Variants in GCN1 observed in about 807,000 individuals in gnomAD.
GCN1 encodes stalled ribosome sensor GCN1.
GCN1 carries 90 observed loss-of-function variants against 288.4 expected under a neutral mutation model. The observed-to-expected ratio is 0.31, with a 90% confidence interval of 0.26 to 0.37. The LOEUF is 0.37. GCN1 is among the 10% of genes least tolerant of loss of function. The pLI is 1.00. For synonymous variants in GCN1, 1,386 were observed against 1,420.2 expected, an observed-to-expected ratio of 0.98 and a Z score of 0.54; for missense variants, 2,586 against 3,419.9, an observed-to-expected ratio of 0.76 and a Z score of 6.08.
Position 120,137,958 on chromosome 12 carries a change from G to A in GCN1, c.6336C>T (p.Ile2112=). 1 of 1,614,174 alleles carries A rather than the reference G, an allele frequency of 6.2e-7. No individual in the cohort carries two copies. Residue 2112 remains isoleucine, a synonymous_variant, in exon 48 of 58, where the codon ATC becomes ATT. Transcript: ENST00000300648. This position sits in a 1 kb window ranked among gnomAD's most constrained non-coding sequence, Gnocchi z 5.2. ...GDALTRHLGV[I]LPAVMLALKE... is the part of the protein sequence containing the mutation. ...TCAGGGCCAGCATGACCGCTGGGAG[G>A]ATCACGCCAAGATGACGGGTGAGGG...
rs532062050 is a variant in GCN1, at chr12:120,181,611, G to A, written c.426+1958C>T. Among the ~76,000 whole-genome samples, 54 of 150,104 alleles carry A rather than the reference G, an allele frequency of 3.6e-4. 1 individual carries two copies. In the South Asian group the frequency reaches 6.9e-3, roughly 19 times the overall value. ...TCCCAGCACTTTGGGAGGCCGAGGC[G>A]GGCGGATCACCTGAGGTCAGGAGTT... is the stretch of plus-strand genomic sequence containing the variant. On this transcript the variant is annotated intron_variant, in intron 5 of 57. Coordinates refer to ENST00000300648, the MANE Select transcript of GCN1 (RefSeq NM_006836.2).
intron 5 of GCN1, among the ~76,000 whole-genome samples, chr12:120,181,125 TA>T (rs891101678): frequency 4.6e-5 from 7 of 151,534 alleles, no homozygotes; most frequent in Non-Finnish European, 7.4e-5. Context: ...TTAGTAACAA[TA>T]AAAAACCGTA....
intron 21 of GCN1, 99 bp from the exon 22 acceptor site, chr12:120,161,682 T>C: frequency 2.0e-6 from 2 of 988,102 alleles, no homozygotes; most frequent in Non-Finnish European, 3.2e-6. Flanking sequence ...TTAAGCACTG[T>C]GCACCAGCAC....
At chr12:120,147,499 G>A (rs754234927) in intron 37 of GCN1, among the ~76,000 whole-genome samples, 67 of 152,176 alleles carry the variant, frequency 4.4e-4, no homozygotes, top group Non-Finnish European at 7.1e-4. Context: ...CTCCCAAAGC[G>A]CTGGATTACA....
intron 5 of GCN1, among the ~76,000 whole-genome samples, chr12:120,179,250 A>G (rs1052299212): frequency 6.7e-6 from 1 of 149,382 alleles, no homozygotes; most frequent in African/African-American, 2.5e-5. Context: ...TTTTTTTTTT[A>G]AGACGGAGTC....
chr12:120,129,224 C>G lies in GCN1; in HGVS notation c.7890+52G>C, dbSNP rs1286930009. ...TAAATATTTCCATGCTGAAGAAGAG[C>G]TGAAAGACAAATGCTCACAGCACAT... On this transcript the variant is annotated intron_variant, in intron 57 of 57. Coordinates refer to ENST00000300648, the MANE Select transcript of GCN1 (RefSeq NM_006836.2). 1.2e-5 allele frequency: 15 copies of G among 1,292,560 alleles called. No homozygotes were observed. In the Admixed American group the frequency reaches 1.7e-4, roughly 15 times the overall value. The allele number at this position is 1,292,560 out of a possible 1,614,324, so 80.1% of individuals were successfully genotyped here.
intron 9 of GCN1, among the ~76,000 whole-genome samples, chr12:120,176,572 G>A (rs1878488038): frequency 6.6e-6 from 1 of 152,082 alleles, no homozygotes; most frequent in Non-Finnish European, 1.5e-5. Context: ...GAGGTGGAGG[G>A]GTAAGAGGAT....
intron 46 of GCN1, 38 bp from the exon 47 acceptor site, chr12:120,138,453 A>G: frequency 2.3e-6 from 3 of 1,308,380 alleles, no homozygotes; most frequent in Non-Finnish European, 3.3e-6. Flanking sequence ...AGGAATCTGC[A>G]TCTCTGCTGT....
chr12:120,189,906 C>T (rs1027500650), intron 2 of GCN1, among the ~76,000 whole-genome samples: 7 of 151,858 alleles, frequency 4.6e-5, no homozygotes, highest in Admixed American at 2.6e-4. Flanking sequence ...CTGAACCCAG[C>T]GAGGCAGAGG....
At chr12:120,157,134 T>C (rs1877775234) in intron 26 of GCN1, 142 bp from the exon 27 acceptor site, 1 of 610,884 alleles carries the variant, frequency 1.6e-6, no homozygotes, top group African/African-American at 1.8e-5. Flanking sequence ...TCATTAAGTT[T>C]ACAACTAGGT....
intron 56 of GCN1, 137 bp from the exon 57 acceptor site, chr12:120,129,631 G>T: frequency 1.5e-6 from 1 of 675,590 alleles, no homozygotes; most frequent in Non-Finnish European, 2.6e-6. Context: ...GTCCCAGCAT[G>T]ACTCGACCCT....
intron 22 of GCN1, among the ~76,000 whole-genome samples, chr12:120,161,264 C>T (rs1877916381): frequency 6.6e-6 from 1 of 152,124 alleles, no homozygotes; most frequent in Admixed American, 6.5e-5. Context: ...GTCGCCAGCA[C>T]CCAGCAGAGA....
At position 120,131,280 on chromosome 12, in the gene GCN1, A is replaced by C; in HGVS notation, c.7468T>G (p.Ser2490Ala). 1 of 1,614,100 alleles carries C rather than the reference A, an allele frequency of 6.2e-7. No homozygotes were observed. Among genetic ancestry groups the C allele is most frequent in the Non-Finnish European group, 8.5e-7 (1 of 1,180,026 alleles). Residue 2490 changes from serine to alanine, a missense_variant, in exon 55 of 58, where the codon TCC becomes GCC. Ser to Ala is a moderately conservative substitution (Grantham distance 99). This residue lies in a region of GCN1 where 355 missense variants were observed against 431.1 expected (regional missense o/e 0.82). Transcript: ENST00000300648. ...MVRHGRSLAL[S>A]VAVNVAPGRL... The stretch of plus-strand genomic sequence containing the variant: ...CCAGGAGCCACATTCACAGCCACGG[A>C]AAGTGCCAGGCTCCGCCCGTGCCGA...
intron 16 of GCN1, among the ~76,000 whole-genome samples, chr12:120,165,199 A>G (rs948012597): frequency 1.3e-5 from 2 of 151,686 alleles, no homozygotes; most frequent in Non-Finnish European, 2.9e-5. Flanking sequence ...GGCACCCGCT[A>G]ATTTTTTTAT....
intron 53 of GCN1, among the ~76,000 whole-genome samples, chr12:120,133,626 G>A (rs952997075): frequency 5.3e-5 from 8 of 152,080 alleles, no homozygotes; most frequent in Non-Finnish European, 1.0e-4. Flanking sequence ...CCTTTAGCTC[G>A]GCAAATGTTT....
Position 120,158,138 on chromosome 12 carries a change from C to T in GCN1, c.2906-108G>A, listed in dbSNP as rs1449212814. 3 of 1,059,068 alleles carry T rather than the reference C, an allele frequency of 2.8e-6. No homozygotes were observed. Among genetic ancestry groups the T allele is most frequent in the African/African-American group, 1.6e-5 (1 of 63,290 alleles). The allele number at this position is 1,059,068 out of a possible 1,614,324, so 65.6% of individuals were successfully genotyped here. A position where few individuals can be genotyped will look rare whatever the true frequency, so the allele number is the denominator to read the frequency against. On this transcript the variant is annotated intron_variant, in intron 25 of 57. Transcript: ENST00000300648. This position sits in a 1 kb window ranked among gnomAD's most constrained non-coding sequence, Gnocchi z 4.3. ...GTAGGGAACGGATGGACCAGAGGCC[C>T]GTTCTGACACCTGGAAGCACATGGC...
rs1270005409 is a variant in GCN1, at chr12:120,168,259, T to C, written c.1561A>G (p.Lys521Glu). The change falls in exon 16 of 58, where the codon AAA becomes GAA. Residue 521 changes from lysine to glutamate, a missense_variant. Transcript: ENST00000300648. ...SSFWQLIVDE[K>E]KQVFTSEKFL... ...TTCTCAGAAGTGAAAACCTGCTTTTTCTCATCCACAATCAACTGCCAGAAA... is the reference window on the plus strand; with the variant it reads ...TTCTCAGAAGTGAAAACCTGCTTTTCCTCATCCACAATCAACTGCCAGAAA... 3.7e-6 allele frequency: 6 copies of C among 1,610,798 alleles called. No homozygotes were observed. The highest frequency in any genetic ancestry group is 5.1e-6 in the Non-Finnish European group (6 of 1,177,022).
At chr12:120,140,174 C>CA (rs1321546861) in intron 45 of GCN1, among the ~76,000 whole-genome samples, 1 of 152,154 alleles carries the variant, frequency 6.6e-6, no homozygotes. Flanking sequence ...CAAGGATGCC[C>CA]AAGCCAAGCA....
intron 33 of GCN1, among the ~76,000 whole-genome samples, chr12:120,152,520 C>T (rs1342958343): frequency 1.6e-5 from 2 of 127,910 alleles, no homozygotes; most frequent in East Asian, 2.2e-4. Flanking sequence ...TACATTAAAA[C>T]GCACCTGTAG....
Sources: gnomAD v4.1 joint callset for allele counts (sites outside exome capture counted in the v4.1 genomes callset) on GRCh38, gnomAD v4.1.1 for gene constraint, gnomAD v4.1.1 regional missense constraint, Gnocchi (gnomAD v3.1) non-coding constraint, MANE v1.5 for transcripts, NCBI Gene and HGNC (gene_info 2026-07-23, HGNC 2026-07-21) for gene names.